SUZ12: variants seen among roughly 807,000 people sequenced by gnomAD.
The protein encoded by SUZ12 is SUZ12 polycomb repressive complex 2 subunit.
SUZ12 carries 17 observed loss-of-function variants against 87.3 expected under a neutral mutation model. The ratio of observed to expected loss-of-function variants is 0.19; its 90% CI spans 0.13 to 0.29. The LOEUF (loss-of-function observed/expected upper bound fraction) is 0.29, where lower values mean the gene tolerates loss of function less well. Among genes scored for constraint, SUZ12 ranks in the 10% least tolerant of loss-of-function variants. The pLI is 1.00. For synonymous variants in SUZ12, 253 were observed against 312.4 expected (o/e 0.81, Z 2.01); for missense variants, 526 against 912.2 (o/e 0.58, Z 5.45).
intron 4 of SUZ12, among the ~76,000 whole-genome samples, chr17:31,950,600 C>T (rs2142133637): frequency 6.6e-6 from 1 of 152,198 alleles, no homozygotes; most frequent in African/African-American, 2.4e-5. Context: ...AGGAGAATCC[C>T]TTGAACCCGG....
chr17:31,999,185 G>A lies in SUZ12; in HGVS notation c.*182G>A, dbSNP rs1041317331. 4 of 447,192 alleles carry A rather than the reference G, an allele frequency of 8.9e-6. No homozygotes were observed. Among genetic ancestry groups the A allele is most frequent in the African/African-American group, 8.0e-5 (4 of 49,700 alleles). 27.7% of individuals were successfully genotyped at this position (447,192 alleles called of 1,614,324 possible). On this transcript the variant is annotated 3_prime_UTR_variant, in exon 16 of 16. Coordinates refer to ENST00000322652, the MANE Select transcript of SUZ12 (RefSeq NM_015355.4). ...TTCACTTCATTATGCAGCATTACAT[G>A]TATATCACTTTTATTGATGTCATTA... is the stretch of plus-strand genomic sequence containing the variant.
intron 3 of SUZ12, among the ~76,000 whole-genome samples, chr17:31,942,482 C>T (rs1300291736): frequency 6.6e-6 from 1 of 151,978 alleles, no homozygotes; most frequent in African/African-American, 2.4e-5. Flanking sequence ...ATTACAGGTG[C>T]CCACCACCAC....
chr17:31,966,516 T>C, intron 5 of SUZ12: 1 of 213,114 alleles, frequency 4.7e-6, no homozygotes. Flanking sequence ...CTGGCTAATT[T>C]TTTGTATTTT....
At position 31,994,775 on chromosome 17, in the gene SUZ12, G is replaced by A. The variant is rs936603462; in HGVS notation, c.1595+54G>A. ...TTAAGCTCTGATTTTTACTGATGTTGGAGGAACAAAGGAGCCAGATGAAGC... is the reference window on the plus strand; with the variant it reads ...TTAAGCTCTGATTTTTACTGATGTTAGAGGAACAAAGGAGCCAGATGAAGC... On this transcript the variant is annotated intron_variant, in intron 13 of 15. Coordinates refer to ENST00000322652, the MANE Select transcript of SUZ12 (RefSeq NM_015355.4). 6 of 1,568,058 alleles carry A rather than the reference G, an allele frequency of 3.8e-6. No individual in the cohort carries two copies. In the African/African-American group the frequency reaches 4.1e-5, roughly 11 times the overall value.
chr17:31,955,232 AG>A (rs1340461565), intron 4 of SUZ12, among the ~76,000 whole-genome samples: 1 of 152,102 alleles, frequency 6.6e-6, no homozygotes, highest in Non-Finnish European at 1.5e-5. Flanking sequence ...CCTCCTGAGT[AG>A]CTGGGACTAC....
At chr17:31,970,225 A>G (rs1908338310) in intron 5 of SUZ12, among the ~76,000 whole-genome samples, 1 of 152,202 alleles carries the variant, frequency 6.6e-6, no homozygotes, top group African/African-American at 2.4e-5. Context: ...TAGACATTGG[A>G]CTATTTTTTG....
At position 31,955,758 on chromosome 17, in the gene SUZ12, AC is replaced by A. The variant is rs1227430228; in HGVS notation, c.455+8074del. On this transcript the variant is annotated intron_variant, in intron 4 of 15. Transcript: ENST00000322652. ...GTGAGACTACATCTCAAAAAAACTT[AC>A]AGTAGAGATCCATTGTCTTGTCATG... Among the ~76,000 whole-genome samples, 4 of 151,844 alleles carry A rather than the reference AC, an allele frequency of 2.6e-5. No individual in the cohort carries two copies. The South Asian group carries it at 8.3e-4, about 32-fold the overall frequency.
At chr17:31,972,013 G>T (rs1908460552) in intron 5 of SUZ12, among the ~76,000 whole-genome samples, 1 of 152,020 alleles carries the variant, frequency 6.6e-6, no homozygotes, top group African/African-American at 2.4e-5. Flanking sequence ...GCCGGGTGTG[G>T]TGGCTCACAC....
chr17:31,984,195 ACAAGCATATCATT>A (rs1276440065), intron 9 of SUZ12, among the ~76,000 whole-genome samples: 16 of 152,232 alleles, frequency 1.1e-4, no homozygotes, highest in Admixed American at 5.9e-4. Context: ...ATAGGAATAG[ACAAGCATATCATT>A]CAAGCATATC....
intron 13 of SUZ12, among the ~76,000 whole-genome samples, chr17:31,995,150 T>C (rs1018509962): frequency 1.3e-5 from 2 of 152,208 alleles, no homozygotes; most frequent in Non-Finnish European, 2.9e-5. Context: ...TTAATCTTAG[T>C]AAAACTGAAA....
chr17:31,952,888 A>G lies in SUZ12; in HGVS notation c.455+5203A>G, dbSNP rs548754249. Among the ~76,000 whole-genome samples, 11 of 152,022 alleles carry G rather than the reference A, an allele frequency of 7.2e-5. 1 individual carries two copies. In the South Asian group the frequency reaches 1.5e-3, roughly 20 times the overall value. On this transcript the variant is annotated intron_variant, in intron 4 of 15. Coordinates refer to ENST00000322652, the MANE Select transcript of SUZ12 (RefSeq NM_015355.4). ...CCAATGTTGGAATTCTCTGGTAACA[A>G]CTCTTGAGTGCTGAGTGCATCTCCA... is the stretch of plus-strand genomic sequence containing the variant.
chr17:31,951,448 T>G (rs1251832582), intron 4 of SUZ12, among the ~76,000 whole-genome samples: 2 of 151,914 alleles, frequency 1.3e-5, no homozygotes, highest in Admixed American at 1.3e-4. Context: ...AAGGAGGTGA[T>G]AGAAAAACAT....
In SUZ12 at chr17:31,942,343, A is replaced by AT. The variant is rs966913722; in HGVS notation, c.386+1866dup. Among the ~76,000 whole-genome samples, 54 of 141,180 alleles carry AT rather than the reference A, an allele frequency of 3.8e-4. 1 individual carries two copies. In the East Asian group the frequency reaches 6.6e-3, roughly 17 times the overall value. 92.6% of individuals were successfully genotyped at this position (141,180 alleles called of 152,430 possible). ...TTGGTTTTTTTTTTGTTTTGTTTTT[A>AT]TTTTTTTTTGAGACAGAGTTTCACT... is the stretch of plus-strand genomic sequence containing the variant. On this transcript the variant is annotated intron_variant, in intron 3 of 15. Coordinates refer to ENST00000322652, the MANE Select transcript of SUZ12 (RefSeq NM_015355.4).
chr17:31,963,146 TTTA>T (rs1157989405), intron 4 of SUZ12, among the ~76,000 whole-genome samples: 2 of 132,658 alleles, frequency 1.5e-5, no homozygotes, highest in Non-Finnish European at 3.0e-5. Flanking sequence ...TATACGATTA[TTTA>T]TTATTATTAT....
In SUZ12 at chr17:31,975,689, A is replaced by G; in HGVS notation, c.799A>G (p.Asn267Asp). 1 of 1,610,698 alleles carries G rather than the reference A, an allele frequency of 6.2e-7. No individual in the cohort carries two copies. Among genetic ancestry groups the G allele is most frequent in the African/African-American group, 1.3e-5 (1 of 74,906 alleles). The change falls in exon 7 of 16, where the codon AAT becomes GAT. Residue 267 changes from asparagine (N) to aspartate (D), a missense_variant. Transcript: ENST00000322652. Reference protein sequence around the residue: ...PGRREFNGMINGETNENIDVN... With the variant: ...PGRREFNGMIDGETNENIDVN... ...AAGAAGAGAGTTTAATGGAATGATTAATGGAGAAACCAATGAAAATATTGG... is the reference window on the plus strand; with the variant it reads ...AAGAAGAGAGTTTAATGGAATGATTGATGGAGAAACCAATGAAAATATTGG...
intron 4 of SUZ12, among the ~76,000 whole-genome samples, chr17:31,958,240 T>G (rs943535868): frequency 6.6e-6 from 1 of 152,130 alleles, no homozygotes; most frequent in Admixed American, 6.5e-5. Flanking sequence ...TTCACCGTTT[T>G]GCCCAGTGTG....
intron 8 of SUZ12, among the ~76,000 whole-genome samples, chr17:31,979,876 T>A (rs1908995953): frequency 6.6e-6 from 1 of 152,208 alleles, no homozygotes; most frequent in African/African-American, 2.4e-5. Flanking sequence ...GAATAAATTA[T>A]TCCTTTGGCA....
chr17:31,975,920 T>A (rs1401194747), intron 7 of SUZ12, among the ~76,000 whole-genome samples: 1 of 152,228 alleles, frequency 6.6e-6, no homozygotes, highest in East Asian at 1.9e-4. Flanking sequence ...TACTTACCTC[T>A]TAGATTCAAC....
Position 31,993,261 on chromosome 17 carries a change from T to G in SUZ12, c.1221T>G (p.Thr407=), listed in dbSNP as rs1379737734. The change falls in exon 11 of 16, where the codon ACT becomes ACG. Residue 407 remains threonine, a synonymous_variant. Transcript: ENST00000322652. The part of the protein sequence containing the change: ...TQTIAVKESL[T]TDLQTRKEKD... Reference sequence around the variant, plus strand: ...TTTCAGCTGTTAAAGAATCATTGACTACAGATCTACAAACAAGAAAAGAAA... The same window carrying G: ...TTTCAGCTGTTAAAGAATCATTGACGACAGATCTACAAACAAGAAAAGAAA... 5.7e-6 allele frequency: 9 copies of G among 1,577,954 alleles called. No homozygotes were observed. The highest frequency in any genetic ancestry group is 7.7e-6 in the Non-Finnish European group (9 of 1,169,374).
Sources: allele counts gnomAD v4.1 joint callset (sites outside exome capture counted in the v4.1 genomes callset), GRCh38; gene constraint gnomAD v4.1.1; transcripts MANE v1.5; gene names NCBI Gene and HGNC (gene_info 2026-07-23, HGNC 2026-07-21).